Variants in NTRK3 observed in about 807,000 individuals in gnomAD.
The protein encoded by NTRK3 is NT-3 growth factor receptor.
NTRK3 carries 24 observed loss-of-function variants against 91.7 expected under a neutral mutation model. That is an observed-to-expected ratio of 0.26 (90% CI 0.19 to 0.37). The LOEUF (loss-of-function observed/expected upper bound fraction) is 0.37, where lower values mean the gene tolerates loss of function less well. NTRK3 is among the 10% of genes least tolerant of loss of function. The pLI, the probability that NTRK3 is intolerant of heterozygous loss-of-function variation, is 1.00. For missense variants in NTRK3, 880 were observed against 1,068.9 expected (o/e 0.82, Z 2.46); for synonymous variants, 483 against 404.0 (o/e 1.20, Z -2.34).
intron 17 of NTRK3, among the ~76,000 whole-genome samples, chr15:87,900,493 A>G (rs2066384440): frequency 6.6e-6 from 1 of 152,188 alleles, no homozygotes; most frequent in Non-Finnish European, 1.5e-5. Context: ...TTGGCAGCCC[A>G]TGTTTTCTTT....
intron 17 of NTRK3, among the ~76,000 whole-genome samples, chr15:87,904,546 A>G (rs1366437386): frequency 6.6e-6 from 1 of 152,154 alleles, no homozygotes; most frequent in Non-Finnish European, 1.5e-5. Flanking sequence ...GTACTGCTGT[A>G]AAGGATGCAT....
chr15:88,104,991 A>T (rs1029857694), intron 13 of NTRK3, among the ~76,000 whole-genome samples: 11 of 152,150 alleles, frequency 7.2e-5, no homozygotes, highest in Admixed American at 3.9e-4. Context: ...CAAGCCCTGA[A>T]ATTCTCTAGT....
chr15:88,251,437 G>A (rs2053360900), intron 3 of NTRK3, among the ~76,000 whole-genome samples: 1 of 152,264 alleles, frequency 6.6e-6, no homozygotes, highest in Non-Finnish European at 1.5e-5. Context: ...AGCTCACAGG[G>A]AGTTAGGGGC....
At position 88,165,136 on chromosome 15, in the gene NTRK3, C is replaced by T. The variant is rs77616856; in HGVS notation, c.396-17733G>A. On this transcript the variant is annotated intron_variant, in intron 5 of 18. Coordinates refer to ENST00000394480, the Ensembl canonical transcript of NTRK3. ...CTGCATTGAGACTTAGAGAAACAAG[C>T]GGGAACAGAACAGAGTAAAAGGGCA... is the stretch of plus-strand genomic sequence containing the variant. Among the ~76,000 whole-genome samples the T allele has an allele frequency of 3.8e-3, 583 of 152,234 alleles. 1 individual carries two copies. Among genetic ancestry groups the T allele is most frequent in the African/African-American group, 0.014 (561 of 41,534 alleles).
chr15:87,933,195 T>G lies in NTRK3; in HGVS notation c.1717-11A>C, dbSNP rs371222603. On this transcript the variant is annotated splice_polypyrimidine_tract_variant and intron_variant, in intron 15 of 18. Coordinates refer to ENST00000394480, the Ensembl canonical transcript of NTRK3. ...GGGATCCTTCAGGGCCTAGGAACAATGCAGGACACAGGTGTTTAACAACTA... is the reference window on the plus strand; with the variant it reads ...GGGATCCTTCAGGGCCTAGGAACAAGGCAGGACACAGGTGTTTAACAACTA... 3 of 1,613,968 alleles carry G rather than the reference T, an allele frequency of 1.9e-6. No homozygotes were observed. In the African/African-American group the frequency reaches 4.0e-5, roughly 22 times the overall value.
chr15:88,254,282 C>T (rs2053762967), intron 3 of NTRK3, among the ~76,000 whole-genome samples: 1 of 152,212 alleles, frequency 6.6e-6, no homozygotes, highest in African/African-American at 2.4e-5. Flanking sequence ...ACTCTGAACC[C>T]TTCTCCCTGC....
At chr15:88,032,588 G>C (rs1463203887) in intron 14 of NTRK3, among the ~76,000 whole-genome samples, 1 of 152,058 alleles carries the variant, frequency 6.6e-6, no homozygotes, top group African/African-American at 2.4e-5. Flanking sequence ...TGCCTTATTG[G>C]GAGCACCCAG....
intron 6 of NTRK3, among the ~76,000 whole-genome samples, chr15:88,142,125 G>A (rs2042440749): frequency 6.6e-6 from 1 of 152,244 alleles, no homozygotes; most frequent in East Asian, 1.9e-4. Context: ...CAAATGGTGA[G>A]GTGGGCAAGA....
intron 14 of NTRK3, among the ~76,000 whole-genome samples, chr15:87,960,006 A>G (rs543588921): frequency 6.6e-6 from 1 of 152,218 alleles, no homozygotes; most frequent in Non-Finnish European, 1.5e-5. Context: ...AGAAGTGGGG[A>G]GCAGACCCCA....
intron 14 of NTRK3, among the ~76,000 whole-genome samples, chr15:88,031,961 T>C (rs1481778232): frequency 6.6e-6 from 1 of 152,106 alleles, no homozygotes; most frequent in Non-Finnish European, 1.5e-5. Flanking sequence ...GGTATTCCTG[T>C]CTGTAAGGTG....
chr15:87,880,493 G>A (rs2141470916), intron 17 of NTRK3, 65 bp from the exon 19 acceptor site: 1 of 1,541,286 alleles, frequency 6.5e-7, no homozygotes, highest in Non-Finnish European at 8.9e-7. Flanking sequence ...TTATCTGTCT[G>A]CACTCTTCAC....
Position 88,166,581 on chromosome 15 carries a change from T to C in NTRK3, c.395+16837A>G, listed in dbSNP as rs1007062193. ...TGCTGAACCCCCAGGGACGGAACCA[T>C]GGAGGCTGGGAGTTGAGTAAGCAAA... On this transcript the variant is annotated intron_variant, in intron 5 of 18. Transcript: ENST00000394480. 7.9e-5 allele frequency among the ~76,000 whole-genome samples: 12 copies of C among 152,190 alleles called. No individual in the cohort carries two copies. The East Asian group carries it at 1.9e-3, about 24-fold the overall frequency.
Position 87,952,635 on chromosome 15 carries a change from T to C in NTRK3, c.1586-11882A>G, listed in dbSNP as rs1196474318. Among the ~76,000 whole-genome samples, 6 of 152,048 alleles carry C rather than the reference T, an allele frequency of 3.9e-5. No homozygotes were observed. The East Asian group carries it at 9.6e-4, about 24-fold the overall frequency. ...GGCTCACCCTGTGCGCACTCCATTATTCCCGGCACCATCTCCTTCCGCGTG... is the reference window on the plus strand; with the variant it reads ...GGCTCACCCTGTGCGCACTCCATTACTCCCGGCACCATCTCCTTCCGCGTG... On this transcript the variant is annotated intron_variant, in intron 14 of 18. Coordinates refer to ENST00000394480, the Ensembl canonical transcript of NTRK3.
chr15:88,134,783 TC>T (rs950465571), intron 10 of NTRK3, among the ~76,000 whole-genome samples: 1 of 152,166 alleles, frequency 6.6e-6, no homozygotes, highest in African/African-American at 2.4e-5. Context: ...GCCCAGAGTC[TC>T]CCCACAAGTA....
exon 11 of NTRK3, chr15:88,128,727 C>G (rs772059358): frequency 1.2e-6 from 2 of 1,613,910 alleles, no homozygotes; most frequent in Non-Finnish European, 1.7e-6. Context: ...TAAAGTTATC[C>G]GTGCTCTCTG....
At chr15:88,111,931 G>C (rs145978863) in intron 13 of NTRK3, among the ~76,000 whole-genome samples, 1 of 145,782 alleles carries the variant, frequency 6.9e-6, no homozygotes. Context: ...GAGACAGACA[G>C]AGTCTCACTC....
rs373063242 is a variant in NTRK3, at chr15:88,235,932, G to C, written c.248+19974C>G. 5.3e-5 allele frequency among the ~76,000 whole-genome samples: 8 copies of C among 152,300 alleles called. No individual in the cohort carries two copies. The highest frequency in any genetic ancestry group is 1.3e-4 in the Admixed American group (2 of 15,302). ...CTTCCTCTGCAAGGCAAAGATACAA[G>C]GTCCTGTTTCGATGAGTCACATAAA... On this transcript the variant is annotated intron_variant, in intron 3 of 18. Coordinates refer to ENST00000394480, the Ensembl canonical transcript of NTRK3. The surrounding 1 kb of genome is among the most constrained non-coding windows in gnomAD (Gnocchi z 5.2).
At chr15:87,975,390 C>T (rs1036838114) in intron 14 of NTRK3, among the ~76,000 whole-genome samples, 1 of 152,248 alleles carries the variant, frequency 6.6e-6, no homozygotes, top group East Asian at 1.9e-4. Context: ...ACCCTGGGTT[C>T]GTGAACTGAG....
chr15:87,962,308 C>T (rs756790773), intron 14 of NTRK3, among the ~76,000 whole-genome samples: 2 of 152,182 alleles, frequency 1.3e-5, no homozygotes, highest in Non-Finnish European at 2.9e-5. Context: ...CAGACAAGAG[C>T]TCAGGAACCC....
Sources: allele counts gnomAD v4.1 joint callset (sites outside exome capture counted in the v4.1 genomes callset), GRCh38; gene constraint gnomAD v4.1.1; non-coding constraint Gnocchi (gnomAD v3.1); transcripts MANE v1.5; gene names NCBI Gene and HGNC (gene_info 2026-07-23, HGNC 2026-07-21).